TSPAN9: variants seen among roughly 807,000 people sequenced by gnomAD.
TSPAN9 encodes tetraspanin-9.
Under a neutral mutation model 31.0 loss-of-function variants are expected in TSPAN9, and 16 were observed. That is an observed-to-expected ratio of 0.52 (90% CI 0.35 to 0.78). TSPAN9 has a LOEUF of 0.78. Among genes scored for constraint, TSPAN9 ranks in the 30% least tolerant of loss-of-function variants. TSPAN9 has a pLI of 0.01. For synonymous variants in TSPAN9, 145 were observed against 121.6 expected (o/e 1.19, Z -1.27); for missense variants, 272 against 312.5 (o/e 0.87, Z 0.98).
intron 2 of TSPAN9, among the ~76,000 whole-genome samples, chr12:3,127,229 C>G (rs1235786639): frequency 6.6e-6 from 1 of 152,092 alleles, no homozygotes; most frequent in Non-Finnish European, 1.5e-5. Context: ...AGTGAGACCT[C>G]TACATCTTGT....
chr12:3,146,988 C>T (rs1363202716), intron 2 of TSPAN9, among the ~76,000 whole-genome samples: 1 of 152,110 alleles, frequency 6.6e-6, no homozygotes, highest in East Asian at 1.9e-4. Flanking sequence ...TGGGTTTAAC[C>T]ACACTCACCT....
intron 3 of TSPAN9, among the ~76,000 whole-genome samples, chr12:3,205,580 G>A (rs2098374619): frequency 6.6e-6 from 1 of 152,168 alleles, no homozygotes; most frequent in Non-Finnish European, 1.5e-5. Context: ...AGGAGTCTAT[G>A]GGGTGCCTTC....
chr12:3,262,894 C>T (rs1400479765), intron 3 of TSPAN9, among the ~76,000 whole-genome samples: 1 of 152,190 alleles, frequency 6.6e-6, no homozygotes, highest in Non-Finnish European at 1.5e-5. Flanking sequence ...TGGCATCAGA[C>T]CTCGATGGTG....
chr12:3,157,731 C>T (rs1054032820), intron 2 of TSPAN9, among the ~76,000 whole-genome samples: 6 of 152,166 alleles, frequency 3.9e-5, no homozygotes, highest in African/African-American at 1.2e-4. Context: ...CCTTGTAGGC[C>T]GTGTTCTTCC....
intron 2 of TSPAN9, among the ~76,000 whole-genome samples, chr12:3,167,081 G>C (rs956507482): frequency 4.6e-5 from 7 of 152,206 alleles, no homozygotes; most frequent in African/African-American, 1.7e-4. Flanking sequence ...ACAGGTATGA[G>C]CCACCACGCC....
chr12:3,280,505 TGGGGCCA>T lies in TSPAN9; in HGVS notation c.432+25_432+31del. Reference sequence around the variant, plus strand: ...TGAGGTGCGGGCTGGGCCGCCCTGGTGGGGCCAGGCAGGGAGGAGGGGTGGCGGCCGG... The same window carrying T: ...TGAGGTGCGGGCTGGGCCGCCCTGGTGGCAGGGAGGAGGGGTGGCGGCCGG... On this transcript the variant is annotated intron_variant, in intron 6 of 8. Coordinates refer to ENST00000011898, the MANE Select transcript of TSPAN9 (RefSeq NM_006675.5). The surrounding 1 kb of genome is among the most constrained non-coding windows in gnomAD (Gnocchi z 4.5). 1.2e-6 allele frequency: 2 copies of T among 1,604,876 alleles called. No individual in the cohort carries two copies. Among genetic ancestry groups the T allele is most frequent in the Non-Finnish European group, 1.7e-6 (2 of 1,177,054 alleles).
chr12:3,179,349 C>T (rs941854216), intron 2 of TSPAN9, among the ~76,000 whole-genome samples: 16 of 152,330 alleles, frequency 1.1e-4, no homozygotes, highest in South Asian at 2.1e-4. Flanking sequence ...CTGCTTCAGT[C>T]ACCTGTTCCC....
intron 2 of TSPAN9, among the ~76,000 whole-genome samples, chr12:3,198,082 ACCACCAGCACAGCTCAC>A (rs2098368216): frequency 1.2e-5 from 1 of 83,884 alleles, no homozygotes; most frequent in African/African-American, 4.8e-5. Flanking sequence ...AGCACAGGTC[ACCACCAGCACAGCTCAC>A]CACCAGCACA....
At chr12:3,155,467 T>C (rs1565595475) in intron 2 of TSPAN9, among the ~76,000 whole-genome samples, 1 of 152,098 alleles carries the variant, frequency 6.6e-6, no homozygotes, top group Non-Finnish European at 1.5e-5. Flanking sequence ...GGTGTGGTGG[T>C]GCGCACCTGT....
rs2098338029 is a variant in TSPAN9, at chr12:3,147,907, G to A, written c.-17-53270G>A. ...AGTGGTGTACACATATGTGGAGTCG[G>A]GTGGGTCGGGGGGCACAGCTTGGCA... On this transcript the variant is annotated intron_variant, in intron 2 of 8. Transcript: ENST00000011898. This position sits in a 1 kb window ranked among gnomAD's most constrained non-coding sequence, Gnocchi z 4.3. Among the ~76,000 whole-genome samples the A allele has an allele frequency of 6.6e-6, 1 of 152,140 alleles. No individual in the cohort carries two copies. Among genetic ancestry groups the A allele is most frequent in the African/African-American group, 2.4e-5 (1 of 41,408 alleles).
intron 2 of TSPAN9, among the ~76,000 whole-genome samples, chr12:3,180,058 A>G (rs56959851): frequency 0.041 from 6,210 of 152,204 alleles, 408 homozygotes; most frequent in African/African-American, 0.14. Context: ...CCCATGTTCC[A>G]AGACTTGTGG....
At chr12:3,144,476 T>C (rs1030911639) in intron 2 of TSPAN9, among the ~76,000 whole-genome samples, 8 of 152,094 alleles carry the variant, frequency 5.3e-5, no homozygotes, top group Non-Finnish European at 2.9e-5. Flanking sequence ...GTTGGAGCAA[T>C]GTTCCTGCCA....
chr12:3,129,648 A>G (rs554648685), intron 2 of TSPAN9, among the ~76,000 whole-genome samples: 1 of 152,370 alleles, frequency 6.6e-6, no homozygotes, highest in Admixed American at 6.5e-5. Flanking sequence ...TGTTAAGAAC[A>G]TTAAATGAGA....
intron 3 of TSPAN9, among the ~76,000 whole-genome samples, chr12:3,212,801 C>T (rs7310021): frequency 0.53 from 81,037 of 151,922 alleles, 22,596 homozygotes; most frequent in Middle Eastern, 0.68. Context: ...GTTCATGTCC[C>T]GCACCTGCCA....
chr12:3,119,982 C>T (rs1297182776), intron 2 of TSPAN9, among the ~76,000 whole-genome samples: 5 of 152,152 alleles, frequency 3.3e-5, no homozygotes, highest in African/African-American at 4.8e-5. Flanking sequence ...GCCTGGGTGC[C>T]TCTCTGTAGC....
chr12:3,106,179 G>A (rs57828768), intron 2 of TSPAN9, among the ~76,000 whole-genome samples: 5,880 of 152,326 alleles, frequency 0.039, 392 homozygotes, highest in African/African-American at 0.13. Context: ...ACCCACCTAT[G>A]CCCACAGGGA....
At chr12:3,277,874 T>C (rs569024529) in intron 3 of TSPAN9, among the ~76,000 whole-genome samples, 4 of 152,344 alleles carry the variant, frequency 2.6e-5, no homozygotes, top group Admixed American at 2.0e-4. Context: ...TGTGGGAAAT[T>C]GTTCTTCAGA....
chr12:3,094,652 C>T (rs974817801), intron 2 of TSPAN9, among the ~76,000 whole-genome samples: 1 of 151,388 alleles, frequency 6.6e-6, no homozygotes, highest in Non-Finnish European at 1.5e-5. Context: ...TCTCCTGCCT[C>T]AGCCTCCCGA....
chr12:3,133,736 G>A (rs2098330840), intron 2 of TSPAN9, among the ~76,000 whole-genome samples: 1 of 152,176 alleles, frequency 6.6e-6, no homozygotes, highest in African/African-American at 2.4e-5. Context: ...AGGGGTGACT[G>A]GGGAAGGAAA....
Sources: allele counts gnomAD v4.1 joint callset (sites outside exome capture counted in the v4.1 genomes callset), GRCh38; gene constraint gnomAD v4.1.1; non-coding constraint Gnocchi (gnomAD v3.1); transcripts MANE v1.5; gene names NCBI Gene and HGNC (gene_info 2026-07-23, HGNC 2026-07-21).